GALNT18: variants seen among roughly 807,000 people sequenced by gnomAD.
GALNT18 encodes the protein GalNAc-transferase 18.
Under a neutral mutation model 69.5 loss-of-function variants are expected in GALNT18, and 44 were observed. The observed-to-expected ratio is 0.63, with a 90% CI of 0.50 to 0.81. GALNT18 has a LOEUF of 0.81. Ranked by LOEUF, GALNT18 falls within the 40% of genes least tolerant of loss-of-function variation. The probability of loss-of-function intolerance (pLI) is 0.00; values close to 1 mark genes in which losing one functional copy is unlikely to be tolerated. For synonymous variants in GALNT18, 364 were observed against 318.2 expected (o/e 1.14, Z -1.53); for missense variants, 715 against 810.0 (o/e 0.88, Z 1.42).
chr11:11,467,451 A>G (rs1856177262), intron 1 of GALNT18, among the ~76,000 whole-genome samples: 4 of 152,222 alleles, frequency 2.6e-5, no homozygotes, highest in Non-Finnish European at 5.9e-5. Context: ...ACATCCTCTG[A>G]ACACAGCACA....
chr11:11,504,898 T>C (rs1484147547), intron 1 of GALNT18, among the ~76,000 whole-genome samples: 1 of 152,168 alleles, frequency 6.6e-6, no homozygotes, highest in African/African-American at 2.4e-5. Context: ...ACCAAGTTCC[T>C]AAGATCCCTG....
intron 3 of GALNT18, among the ~76,000 whole-genome samples, chr11:11,406,245 G>C (rs1013436199): frequency 1.3e-5 from 2 of 152,156 alleles, no homozygotes; most frequent in Admixed American, 1.3e-4. Context: ...TGGCTGCCAG[G>C]GCTGTTGTAG....
chr11:11,284,990 G>C (rs1465272869), intron 10 of GALNT18, among the ~76,000 whole-genome samples: 1 of 139,628 alleles, frequency 7.2e-6, no homozygotes, highest in African/African-American at 2.7e-5. Context: ...TCTGCCCAGG[G>C]CTTGTTGTGT....
intron 6 of GALNT18, among the ~76,000 whole-genome samples, chr11:11,364,978 G>A (rs1041142881): frequency 6.6e-6 from 1 of 151,280 alleles, no homozygotes; most frequent in East Asian, 2.0e-4. Flanking sequence ...GTATATATTC[G>A]ATATTGTCCA....
intron 1 of GALNT18, among the ~76,000 whole-genome samples, chr11:11,515,081 A>G (rs80244829): frequency 0.025 from 3,864 of 152,280 alleles, 117 homozygotes; most frequent in African/African-American, 0.067. Flanking sequence ...TGAATCTGCC[A>G]CTTTCTAGCT....
At chr11:11,329,514 C>T (rs1370149781) in intron 8 of GALNT18, among the ~76,000 whole-genome samples, 1 of 152,202 alleles carries the variant, frequency 6.6e-6, no homozygotes, top group African/African-American at 2.4e-5. Context: ...TGCCTCTTCC[C>T]TTGGCTCTCA....
At chr11:11,507,445 C>T (rs1479960237) in intron 1 of GALNT18, among the ~76,000 whole-genome samples, 1 of 152,084 alleles carries the variant, frequency 6.6e-6, no homozygotes, top group South Asian at 2.1e-4. Context: ...CTTCTTCCTC[C>T]TCTCCCACCT....
At chr11:11,419,912 C>T (rs16909636) in intron 3 of GALNT18, among the ~76,000 whole-genome samples, 3,569 of 152,214 alleles carry the variant, frequency 0.023, 127 homozygotes, top group African/African-American at 0.081. Flanking sequence ...CATTCTCTGA[C>T]GGCAGGAACA....
At chr11:11,405,093 T>G (rs1409728244) in intron 3 of GALNT18, among the ~76,000 whole-genome samples, 1 of 152,202 alleles carries the variant, frequency 6.6e-6, no homozygotes, top group East Asian at 1.9e-4. Context: ...CTGACACTTC[T>G]GTGCCTTGAG....
rs562725016 is a variant in GALNT18 at position 11,551,905 on chromosome 11, G to A, written c.235+69454C>T. Among the ~76,000 whole-genome samples the A allele has an allele frequency of 1.7e-4, 26 of 152,206 alleles. No individual in the cohort carries two copies. In the South Asian group the frequency reaches 5.4e-3, roughly 32 times the overall value. On this transcript the variant is annotated intron_variant, in intron 1 of 10. Coordinates refer to ENST00000227756, the MANE Select transcript of GALNT18 (RefSeq NM_198516.3). Reference sequence around the variant, plus strand: ...TCACAAAGTACATTCTCCAGGGTGGGGAGAATTACAAAGAACCTTCTTAAG... The same window carrying A: ...TCACAAAGTACATTCTCCAGGGTGGAGAGAATTACAAAGAACCTTCTTAAG...
chr11:11,478,439 G>T (rs961329684), intron 1 of GALNT18, among the ~76,000 whole-genome samples: 1 of 152,156 alleles, frequency 6.6e-6, no homozygotes, highest in Non-Finnish European at 1.5e-5. Context: ...AGGAATTAAC[G>T]CAGGGGTTCA....
Position 11,320,593 on chromosome 11 carries a change from C to T in GALNT18, c.1512+6493G>A, listed in dbSNP as rs983974945. ...ACCCTGACTTCATTCTCAGGTAACA[C>T]GTCCTAGAGTACCCCTTTTCTTACT... On this transcript the variant is annotated intron_variant, in intron 9 of 10. Coordinates refer to ENST00000227756, the MANE Select transcript of GALNT18 (RefSeq NM_198516.3). The surrounding 1 kb of genome is among the most constrained non-coding windows in gnomAD (Gnocchi z 4.9). Among the ~76,000 whole-genome samples, 2 of 152,200 alleles carry T rather than the reference C, an allele frequency of 1.3e-5. No homozygotes were observed. Among genetic ancestry groups the T allele is most frequent in the Non-Finnish European group, 2.9e-5 (2 of 68,044 alleles).
intron 6 of GALNT18, among the ~76,000 whole-genome samples, chr11:11,371,656 CA>C (rs34158929): frequency 0.17 from 26,340 of 151,978 alleles, 2,854 homozygotes; most frequent in East Asian, 0.39. Context: ...GGACATCCTG[CA>C]GCTCTAATAC....
chr11:11,354,472 G>A (rs930812806), intron 6 of GALNT18, among the ~76,000 whole-genome samples: 1 of 152,120 alleles, frequency 6.6e-6, no homozygotes, highest in Non-Finnish European at 1.5e-5. Context: ...GTGACTTTAG[G>A]CAATTCACTT....
chr11:11,473,831 G>A (rs546873005), intron 1 of GALNT18, among the ~76,000 whole-genome samples: 7 of 152,306 alleles, frequency 4.6e-5, no homozygotes, highest in East Asian at 3.9e-4. Flanking sequence ...TTGTGAGGCC[G>A]AAGTGGGAAG....
intron 10 of GALNT18, among the ~76,000 whole-genome samples, chr11:11,277,241 A>C (rs1483164895): frequency 1.3e-5 from 2 of 152,076 alleles, no homozygotes; most frequent in Non-Finnish European, 2.9e-5. Context: ...TAGTCTTGGG[A>C]GGGTGTATGT....
chr11:11,400,619 A>G (rs1197730815), intron 3 of GALNT18, among the ~76,000 whole-genome samples: 1 of 152,160 alleles, frequency 6.6e-6, no homozygotes, highest in Non-Finnish European at 1.5e-5. Context: ...GTGTCTGGTG[A>G]GGGCACTCTT....
chr11:11,431,389 G>C (rs1855260384), intron 3 of GALNT18, among the ~76,000 whole-genome samples: 1 of 152,200 alleles, frequency 6.6e-6, no homozygotes, highest in Non-Finnish European at 1.5e-5. Context: ...TCCCAGGCTA[G>C]ATGATGGTAG....
At chr11:11,345,772 G>T (rs765452602) in intron 6 of GALNT18, among the ~76,000 whole-genome samples, 1 of 152,282 alleles carries the variant, frequency 6.6e-6, no homozygotes, top group Admixed American at 6.5e-5. Context: ...TACCAAAGGG[G>T]TGCCTGAGAA....
Sources: gnomAD v4.1 joint callset for allele counts (sites outside exome capture counted in the v4.1 genomes callset) on GRCh38, gnomAD v4.1.1 for gene constraint, Gnocchi (gnomAD v3.1) non-coding constraint, MANE v1.5 for transcripts, NCBI Gene and HGNC (gene_info 2026-07-23, HGNC 2026-07-21) for gene names.